Variants in PLPPR5 observed in about 807,000 individuals in gnomAD.
The protein encoded by PLPPR5 is phospholipid phosphatase related 5.
PLPPR5 carries 16 observed loss-of-function variants against 33.9 expected under a neutral mutation model. The observed-to-expected ratio is 0.47, with a 90% CI of 0.32 to 0.72. PLPPR5 has a LOEUF of 0.72. Among genes scored for constraint, PLPPR5 ranks in the 30% least tolerant of loss-of-function variants. PLPPR5 has a pLI of 0.03. For missense variants in PLPPR5, 301 were observed against 406.7 expected (o/e 0.74, Z 2.23); for synonymous variants, 163 against 150.3 (o/e 1.08, Z -0.62).
At chr1:98,955,016 T>C (rs971128743) in intron 2 of PLPPR5, among the ~76,000 whole-genome samples, 1 of 152,126 alleles carries the variant, frequency 6.6e-6, no homozygotes, top group Admixed American at 6.5e-5. Context: ...ATACTGTAGT[T>C]GACTACAAAG....
intron 1 of PLPPR5, among the ~76,000 whole-genome samples, chr1:98,971,751 T>A (rs1557688586): frequency 6.6e-6 from 1 of 152,066 alleles, no homozygotes; most frequent in Non-Finnish European, 1.5e-5. Context: ...GGTCTACAAC[T>A]CTGAGCAGCA....
chr1:98,982,913 T>C (rs1652108691), intron 1 of PLPPR5, among the ~76,000 whole-genome samples: 1 of 152,036 alleles, frequency 6.6e-6, no homozygotes, highest in Admixed American at 6.6e-5. Flanking sequence ...ACTTAGTTTG[T>C]TCTGTGAGAA....
chr1:98,967,860 G>A (rs374250698), intron 1 of PLPPR5, among the ~76,000 whole-genome samples: 1 of 152,082 alleles, frequency 6.6e-6, no homozygotes, highest in African/African-American at 2.4e-5. Context: ...AGTGTTTTTG[G>A]TAAGGGAGTA....
rs76277136 is a variant in PLPPR5 at position 98,975,518 on chromosome 1, A to G, written c.238-18777T>C. Among the ~76,000 whole-genome samples the G allele has an allele frequency of 3.7e-3, 557 of 152,202 alleles. 30 individuals are homozygous for G. The East Asian group carries it at 0.098, about 27-fold the overall frequency. Reference sequence around the variant, plus strand: ...TTGCCAATATTTGCAGTACAAATAAAGTTGTCAACAGAAGTACAAATATAA... The same window carrying G: ...TTGCCAATATTTGCAGTACAAATAAGGTTGTCAACAGAAGTACAAATATAA... On this transcript the variant is annotated intron_variant, in intron 1 of 5. Coordinates refer to ENST00000263177, the MANE Select transcript of PLPPR5 (RefSeq NM_001037317.2).
chr1:98,906,474 CT>C (rs1211771544), intron 5 of PLPPR5, among the ~76,000 whole-genome samples: 1 of 152,036 alleles, frequency 6.6e-6, no homozygotes, highest in African/African-American at 2.4e-5. Flanking sequence ...GGCAGCAGTA[CT>C]TGTCTGGAAA....
At chr1:98,966,919 G>C (rs1349199102) in intron 1 of PLPPR5, among the ~76,000 whole-genome samples, 1 of 152,130 alleles carries the variant, frequency 6.6e-6, no homozygotes, top group East Asian at 1.9e-4. Flanking sequence ...GAACTTGACA[G>C]AAATGCACAT....
intron 1 of PLPPR5, among the ~76,000 whole-genome samples, chr1:98,963,525 CAG>C (rs138157987): frequency 2.6e-5 from 4 of 151,364 alleles, no homozygotes; most frequent in Non-Finnish European, 4.4e-5. Flanking sequence ...CAGAGAGAGA[CAG>C]AGAGAGAGAG....
intron 5 of PLPPR5, among the ~76,000 whole-genome samples, chr1:98,906,757 T>C (rs1016167815): frequency 1.3e-5 from 2 of 152,186 alleles, no homozygotes; most frequent in Non-Finnish European, 2.9e-5. Context: ...CCAATATATA[T>C]ATTTCAATAG....
At position 98,956,753 on chromosome 1, in the gene PLPPR5, A is replaced by G. The variant is rs1651024721; in HGVS notation, c.238-12T>C. The G allele has an allele frequency of 2.0e-6, 3 of 1,535,630 alleles. No homozygotes were observed. Among genetic ancestry groups the G allele is most frequent in the Non-Finnish European group, 2.6e-6 (3 of 1,144,256 alleles). On this transcript the variant is annotated splice_polypyrimidine_tract_variant and intron_variant, in intron 1 of 5. Coordinates refer to ENST00000263177, the MANE Select transcript of PLPPR5 (RefSeq NM_001037317.2). ...TCTCCAACTATTATCTTGAAAGAAAATAAAAGATTAAGGAATATTAGAATT... is the reference window on the plus strand; with the variant it reads ...TCTCCAACTATTATCTTGAAAGAAAGTAAAAGATTAAGGAATATTAGAATT...
intron 3 of PLPPR5, among the ~76,000 whole-genome samples, chr1:98,944,990 C>T (rs1011502096): frequency 3.3e-5 from 5 of 152,216 alleles, no homozygotes; most frequent in African/African-American, 9.6e-5. Context: ...GTATTCAGAG[C>T]TGCTCATTAT....
At chr1:99,004,403 T>G in intron 1 of PLPPR5, 32 bp downstream of exon 1, 1 of 1,546,004 alleles carries the variant, frequency 6.5e-7, no homozygotes, top group South Asian at 1.2e-5. Context: ...GATCAGGGAC[T>G]CGGCGACGAG....
At chr1:98,911,686 G>C (rs1256115316) in intron 5 of PLPPR5, among the ~76,000 whole-genome samples, 1 of 152,066 alleles carries the variant, frequency 6.6e-6, no homozygotes, top group Non-Finnish European at 1.5e-5. Flanking sequence ...AAATGAAAAG[G>C]TTGTAATAGT....
At chr1:98,894,747 C>T (rs1331209362) in intron 5 of PLPPR5, among the ~76,000 whole-genome samples, 1 of 151,998 alleles carries the variant, frequency 6.6e-6, no homozygotes, top group African/African-American at 2.4e-5. Flanking sequence ...GTTCACAAGA[C>T]TCATTAAATT....
intron 3 of PLPPR5, among the ~76,000 whole-genome samples, chr1:98,938,245 C>T (rs1489053081): frequency 6.6e-6 from 1 of 151,444 alleles, no homozygotes; most frequent in Admixed American, 6.6e-5. Context: ...TCTATGTGAC[C>T]ACCTGGAGTT....
chr1:98,945,634 GAAATA>G (rs1431934473), intron 3 of PLPPR5, among the ~76,000 whole-genome samples: 7 of 152,112 alleles, frequency 4.6e-5, no homozygotes, highest in Non-Finnish European at 8.8e-5. Flanking sequence ...TGTTACCTGT[GAAATA>G]AATACAGCCA....
intron 2 of PLPPR5, among the ~76,000 whole-genome samples, chr1:98,953,815 A>C (rs1347144614): frequency 6.6e-6 from 1 of 152,208 alleles, no homozygotes; most frequent in East Asian, 1.9e-4. Flanking sequence ...GCCAATTAGC[A>C]GTAAATCCAG....
chr1:98,944,906 C>T (rs1266812294), intron 3 of PLPPR5, among the ~76,000 whole-genome samples: 1 of 152,194 alleles, frequency 6.6e-6, no homozygotes, highest in Non-Finnish European at 1.5e-5. Flanking sequence ...AAGGCCATGT[C>T]ACCTGCAGCA....
At chr1:98,961,944 T>C (rs1261683732) in intron 1 of PLPPR5, among the ~76,000 whole-genome samples, 3 of 152,172 alleles carry the variant, frequency 2.0e-5, no homozygotes, top group South Asian at 4.1e-4. Flanking sequence ...AAACCCCAGA[T>C]GCAGGTCTCC....
intron 5 of PLPPR5, among the ~76,000 whole-genome samples, chr1:98,911,428 CTG>C (rs1265910771): frequency 6.6e-6 from 1 of 152,158 alleles, no homozygotes; most frequent in Non-Finnish European, 1.5e-5. Flanking sequence ...GAATACTCAT[CTG>C]TAACAATTTA....
Sources: allele counts gnomAD v4.1 joint callset (sites outside exome capture counted in the v4.1 genomes callset), GRCh38; gene constraint gnomAD v4.1.1; transcripts MANE v1.5; gene names NCBI Gene and HGNC (gene_info 2026-07-23, HGNC 2026-07-21).